The following PID1 variants were observed in gnomAD, a reference collection of about 807,000 sequenced individuals.
PID1 encodes the protein PTB-containing, cubilin and LRP1-interacting protein.
A neutral mutation model predicts 19.1 loss-of-function variants in PID1; 10 were observed. The observed-to-expected ratio is 0.52, with a 90% CI of 0.32 to 0.89. PID1 has a LOEUF of 0.89. PID1 is among the 40% of genes least tolerant of loss of function. The probability of loss-of-function intolerance (pLI) is 0.03; values close to 1 mark genes in which losing one functional copy is unlikely to be tolerated. For missense variants in PID1, 248 were observed against 285.3 expected (o/e 0.87, Z 0.94); for synonymous variants, 130 against 116.0 (o/e 1.12, Z -0.78).
At chr2:229,076,025 C>A (rs528994616) in intron 2 of PID1, among the ~76,000 whole-genome samples, 6 of 152,260 alleles carry the variant, frequency 3.9e-5, no homozygotes, top group Admixed American at 6.5e-5. Flanking sequence ...CTATGCCATA[C>A]CATTGATCAA....
At chr2:229,198,113 T>C (rs931414755) in intron 1 of PID1, among the ~76,000 whole-genome samples, 2 of 152,038 alleles carry the variant, frequency 1.3e-5, no homozygotes, top group African/African-American at 4.8e-5. Context: ...AAATCAGTCT[T>C]AGCTTTTCAA....
chr2:229,248,842 G>A (rs1690071966), intron 1 of PID1, among the ~76,000 whole-genome samples: 1 of 151,974 alleles, frequency 6.6e-6, no homozygotes, highest in Non-Finnish European at 1.5e-5. Flanking sequence ...GAAAGCCAAG[G>A]GGCCTTCTGT....
chr2:229,254,919 C>T (rs956059301), intron 1 of PID1, among the ~76,000 whole-genome samples: 11 of 152,200 alleles, frequency 7.2e-5, no homozygotes, highest in Non-Finnish European at 1.6e-4. Context: ...AAATAATAAG[C>T]TTCTGCAGCA....
At chr2:229,222,778 C>T (rs1427340901) in intron 1 of PID1, among the ~76,000 whole-genome samples, 1 of 152,090 alleles carries the variant, frequency 6.6e-6, no homozygotes. Context: ...AAGGAACCTA[C>T]ACCATCAGCT....
At chr2:229,245,464 G>A (rs1233473619) in intron 1 of PID1, among the ~76,000 whole-genome samples, 1 of 152,044 alleles carries the variant, frequency 6.6e-6, no homozygotes, top group African/African-American at 2.4e-5. Flanking sequence ...AATCCTGAAG[G>A]TATGAAGATG....
intron 1 of PID1, among the ~76,000 whole-genome samples, chr2:229,197,715 T>C (rs1691407438): frequency 6.6e-6 from 1 of 151,996 alleles, no homozygotes; most frequent in South Asian, 2.1e-4. Flanking sequence ...CAAAGCAATA[T>C]AATCCCTCTT....
intron 1 of PID1, among the ~76,000 whole-genome samples, chr2:229,255,012 C>G (rs759201396): frequency 2.6e-5 from 4 of 152,204 alleles, no homozygotes; most frequent in Non-Finnish European, 5.9e-5. Context: ...CACACTAAAT[C>G]TCAATGTGAT....
intron 1 of PID1, among the ~76,000 whole-genome samples, chr2:229,225,417 C>A (rs1692056752): frequency 6.6e-6 from 1 of 152,040 alleles, no homozygotes; most frequent in African/African-American, 2.4e-5. Flanking sequence ...TGAGAGGTGC[C>A]AGACAATAGG....
intron 1 of PID1, among the ~76,000 whole-genome samples, chr2:229,186,411 C>T (rs147209094): frequency 6.6e-6 from 1 of 152,218 alleles, no homozygotes; most frequent in Non-Finnish European, 1.5e-5. Context: ...CCACACATTT[C>T]TTCTCTGCAC....
rs541612793 is a variant in PID1, at chr2:229,150,481, G to C, written c.177+5337C>G. Among the ~76,000 whole-genome samples the C allele has an allele frequency of 2.6e-5, 4 of 152,180 alleles. No homozygotes were observed. The South Asian group carries it at 8.3e-4, about 32-fold the overall frequency. On this transcript the variant is annotated intron_variant, in intron 2 of 2. Coordinates refer to ENST00000392055, the MANE Select transcript of PID1 (RefSeq NM_001100818.2). ...GGCAGACAGATTCAGTCCCAAACAG[G>C]AGACCCATGTCAACAACTGCTAATG...
intron 2 of PID1, among the ~76,000 whole-genome samples, chr2:229,033,158 G>A (rs376626020): frequency 6.6e-6 from 1 of 152,144 alleles, no homozygotes; most frequent in Non-Finnish European, 1.5e-5. Context: ...TTTTGAACCT[G>A]ACTCACCTCA....
Position 229,025,393 on chromosome 2 carries a change from C to T in PID1, c.*239G>A. On this transcript the variant is annotated 3_prime_UTR_variant, in exon 3 of 3. Transcript: ENST00000392055. ...ATGAGAAAAATAAGAGAGCCTAGAA[C>T]CTTCCTCCCCATCCACACTCCCACC... The T allele has an allele frequency of 1.9e-6, 1 of 529,014 alleles. No homozygotes were observed. The highest frequency in any genetic ancestry group is 3.3e-5 in the East Asian group (1 of 30,330). The allele number at this position is 529,014 out of a possible 1,614,324, so 32.8% of individuals were successfully genotyped here.
At chr2:229,270,484 A>G (rs1690705354) in intron 1 of PID1, among the ~76,000 whole-genome samples, 1 of 152,164 alleles carries the variant, frequency 6.6e-6, no homozygotes, top group Non-Finnish European at 1.5e-5. Context: ...TATCTGAAGG[A>G]GCTTGGGTTT....
chr2:229,188,005 C>T (rs963962995), intron 1 of PID1, among the ~76,000 whole-genome samples: 1 of 152,210 alleles, frequency 6.6e-6, no homozygotes, highest in African/African-American at 2.4e-5. Context: ...TTACCCTTCA[C>T]ATTCTTATCC....
chr2:229,190,419 C>T lies in PID1; in HGVS notation c.31-34455G>A, dbSNP rs536771557. Among the ~76,000 whole-genome samples, 7 of 152,286 alleles carry T rather than the reference C, an allele frequency of 4.6e-5. No individual in the cohort carries two copies. In the South Asian group the frequency reaches 1.2e-3, roughly 27 times the overall value. On this transcript the variant is annotated intron_variant, in intron 1 of 2. Transcript: ENST00000392055. ...TGGAATTCCTGGCATTTGGCATGAG[C>T]CAGACATGGAACAGGCATCCTTGAA...
chr2:229,043,195 G>A (rs1362320735), intron 2 of PID1, among the ~76,000 whole-genome samples: 1 of 151,994 alleles, frequency 6.6e-6, no homozygotes, highest in Admixed American at 6.6e-5. Flanking sequence ...TAGTAGGGAC[G>A]AGGTTTTGCC....
chr2:229,183,760 C>T (rs894734696), intron 1 of PID1, among the ~76,000 whole-genome samples: 2 of 151,782 alleles, frequency 1.3e-5, no homozygotes, highest in African/African-American at 4.8e-5. Context: ...ACATCACTGG[C>T]TATCCTGTGT....
rs1417126767 is a variant in PID1, at chr2:229,149,476, CT to C, written c.177+6341del. The stretch of plus-strand genomic sequence containing the variant: ...ACTGGCTGTTTTATACAAGCACCCC[CT>C]GATAGTATTTAAGGGTTACCTGCAA... On this transcript the variant is annotated intron_variant, in intron 2 of 2. Coordinates refer to ENST00000392055, the MANE Select transcript of PID1 (RefSeq NM_001100818.2). Among the ~76,000 whole-genome samples, 11 of 152,228 alleles carry C rather than the reference CT, an allele frequency of 7.2e-5. No individual in the cohort carries two copies. In the East Asian group the frequency reaches 1.9e-3, roughly 27 times the overall value.
chr2:229,055,361 G>A (rs1283145214), intron 2 of PID1, among the ~76,000 whole-genome samples: 2 of 152,034 alleles, frequency 1.3e-5, no homozygotes, highest in Non-Finnish European at 1.5e-5. Context: ...AGGCAGGCAG[G>A]GTGAGAAAAA....
Sources: gnomAD v4.1 joint callset for allele counts (sites outside exome capture counted in the v4.1 genomes callset) on GRCh38, gnomAD v4.1.1 for gene constraint, MANE v1.5 for transcripts, NCBI Gene and HGNC (gene_info 2026-07-23, HGNC 2026-07-21) for gene names.